NRG1: variants seen among roughly 807,000 people sequenced by gnomAD.
NRG1 encodes pro-neuregulin-1, membrane-bound isoform.
NRG1 carries 18 observed loss-of-function variants against 63.8 expected under a neutral mutation model. The observed-to-expected ratio is 0.28, with a 90% CI of 0.19 to 0.42. NRG1 has a LOEUF of 0.42. NRG1 is among the 10% of genes least tolerant of loss of function. NRG1 has a pLI of 1.00. For missense variants in NRG1, 762 were observed against 814.7 expected, an observed-to-expected ratio of 0.94 and a Z score of 0.79; for synonymous variants, 302 against 301.3, an observed-to-expected ratio of 1.00 and a Z score of -0.02.
chr8:31,781,361 T>C (rs1334151268), intron 1 of NRG1, among the ~76,000 whole-genome samples: 1 of 152,192 alleles, frequency 6.6e-6, no homozygotes, highest in Admixed American at 6.5e-5. Context: ...GGCTGATCTT[T>C]ATAGTCACTG....
intron 5 of NRG1, among the ~76,000 whole-genome samples, chr8:32,641,809 C>T (rs1392335988): frequency 6.6e-6 from 1 of 152,182 alleles, no homozygotes; most frequent in African/African-American, 2.4e-5. Context: ...AGTCTTGACT[C>T]ACCTTTAAAG....
At chr8:32,374,691 A>G (rs1354470020) in intron 1 of NRG1, among the ~76,000 whole-genome samples, 2 of 152,208 alleles carry the variant, frequency 1.3e-5, no homozygotes, top group Non-Finnish European at 2.9e-5. Context: ...TCCCAATGAG[A>G]CAGTAATCCT....
intron 1 of NRG1, among the ~76,000 whole-genome samples, chr8:31,826,906 G>A (rs1295231220): frequency 6.6e-6 from 1 of 152,140 alleles, no homozygotes; most frequent in Non-Finnish European, 1.5e-5. Context: ...TGTTTTAGTT[G>A]TATGATGCTA....
At chr8:31,997,871 A>G (rs1384293412) in intron 1 of NRG1, among the ~76,000 whole-genome samples, 1 of 152,024 alleles carries the variant, frequency 6.6e-6, no homozygotes, top group African/African-American at 2.4e-5. Flanking sequence ...TATTATCTCC[A>G]TCTCGCAAAT....
chr8:32,014,722 C>A (rs188259360), intron 1 of NRG1, among the ~76,000 whole-genome samples: 1 of 150,772 alleles, frequency 6.6e-6, no homozygotes, highest in Non-Finnish European at 1.5e-5. Flanking sequence ...CCAACCCCCC[C>A]CCAAAAAAGA....
At chr8:32,264,338 GAA>G (rs886670072) in intron 1 of NRG1, among the ~76,000 whole-genome samples, 2 of 151,608 alleles carry the variant, frequency 1.3e-5, no homozygotes, top group East Asian at 1.9e-4. Context: ...TCATTTGAGG[GAA>G]AAAAATTAAA....
chr8:32,512,339 A>G (rs992341617), intron 1 of NRG1, among the ~76,000 whole-genome samples: 1 of 152,236 alleles, frequency 6.6e-6, no homozygotes, highest in Admixed American at 6.5e-5. Flanking sequence ...AATATTAATC[A>G]TAACTTACTA....
rs923582093 is a variant in NRG1 at position 31,657,368 on chromosome 8, G to A, written c.37+17937G>A. ...TTCTGAAACCTCTGACCTTACCTGC[G>A]GGCTCCTCCCTCTAGTTGACCATGG... is the stretch of plus-strand genomic sequence containing the variant. On this transcript the variant is annotated intron_variant, in intron 1 of 10. Transcript: ENST00000519301. 9.9e-5 allele frequency among the ~76,000 whole-genome samples: 15 copies of A among 152,214 alleles called. No homozygotes were observed. In the East Asian group the frequency reaches 2.1e-3, roughly 22 times the overall value.
intron 1 of NRG1, among the ~76,000 whole-genome samples, chr8:31,809,437 A>G (rs1822635483): frequency 1.3e-5 from 2 of 148,384 alleles, no homozygotes; most frequent in South Asian, 4.2e-4. Context: ...CTTATTAGAC[A>G]AACGTTAGGA....
intron 1 of NRG1, among the ~76,000 whole-genome samples, chr8:32,206,712 T>C (rs1414718081): frequency 1.3e-5 from 2 of 152,148 alleles, no homozygotes; most frequent in South Asian, 2.1e-4. Context: ...AATGGTGAAG[T>C]CTCGGCTTTT....
chr8:32,232,721 T>G (rs1378868312), intron 1 of NRG1, among the ~76,000 whole-genome samples: 1 of 152,184 alleles, frequency 6.6e-6, no homozygotes, highest in Non-Finnish European at 1.5e-5. Context: ...GCAAGGGTCA[T>G]AGGAAAATGG....
intron 1 of NRG1, among the ~76,000 whole-genome samples, chr8:32,464,229 TA>T (rs1339188679): frequency 6.6e-6 from 1 of 151,800 alleles, no homozygotes; most frequent in Non-Finnish European, 1.5e-5. Flanking sequence ...TAATGTCTGG[TA>T]TTTTTTTACA....
chr8:32,293,494 T>C (rs1477050433), intron 1 of NRG1, among the ~76,000 whole-genome samples: 1 of 152,162 alleles, frequency 6.6e-6, no homozygotes, highest in East Asian at 1.9e-4. Context: ...AATATATTTC[T>C]GTTGTGTTAA....
chr8:32,055,122 T>G (rs963741884), intron 1 of NRG1, among the ~76,000 whole-genome samples: 3 of 151,924 alleles, frequency 2.0e-5, no homozygotes, highest in Non-Finnish European at 4.4e-5. Context: ...ACTCCTGACC[T>G]CAGGTGATCC....
intron 1 of NRG1, among the ~76,000 whole-genome samples, chr8:32,319,943 A>T (rs1326279616): frequency 6.6e-6 from 1 of 152,180 alleles, no homozygotes; most frequent in African/African-American, 2.4e-5. Context: ...TGTATGTTTC[A>T]GTGACAAAAT....
At chr8:32,057,738 G>A (rs1377887385) in intron 1 of NRG1, among the ~76,000 whole-genome samples, 1 of 152,030 alleles carries the variant, frequency 6.6e-6, no homozygotes, top group Non-Finnish European at 1.5e-5. Context: ...TACTTATTGG[G>A]TTCTAAAGCT....
chr8:32,059,318 C>A (rs1326114017), intron 1 of NRG1, among the ~76,000 whole-genome samples: 1 of 151,872 alleles, frequency 6.6e-6, no homozygotes, highest in Non-Finnish European at 1.5e-5. Context: ...TCGTCTTTCT[C>A]CCTACTCCAC....
chr8:32,033,792 T>A (rs1043609110), intron 1 of NRG1, among the ~76,000 whole-genome samples: 1 of 152,220 alleles, frequency 6.6e-6, no homozygotes, highest in African/African-American at 2.4e-5. Context: ...TTTTGCACAT[T>A]GATTTTGTGT....
intron 5 of NRG1, among the ~76,000 whole-genome samples, chr8:32,642,156 A>G (rs907344339): frequency 2.6e-5 from 4 of 152,194 alleles, no homozygotes; most frequent in African/African-American, 9.7e-5. Context: ...GAGGAGGAGT[A>G]TAGAGGGTAT....
Sources: allele counts gnomAD v4.1 joint callset (sites outside exome capture counted in the v4.1 genomes callset), GRCh38; gene constraint gnomAD v4.1.1; transcripts MANE v1.5; gene names NCBI Gene and HGNC (gene_info 2026-07-23, HGNC 2026-07-21).